The following EPB41L4A variants were observed in gnomAD, a reference collection of about 807,000 sequenced individuals.
EPB41L4A encodes the protein erythrocyte membrane protein band 4.1 like 4A.
In EPB41L4A, 100 loss-of-function variants were observed where a neutral mutation model predicts 108.6. That is an observed-to-expected ratio of 0.92 (90% CI 0.78 to 1.09). The LOEUF is 1.09. Among genes scored for constraint, EPB41L4A ranks in the 50% least tolerant of loss-of-function variants. The probability of loss-of-function intolerance (pLI) is 0.00; values close to 1 mark genes in which losing one functional copy is unlikely to be tolerated. For synonymous variants in EPB41L4A, 319 were observed against 289.0 expected (o/e 1.10, Z -1.05); for missense variants, 1,030 against 842.7 (o/e 1.22, Z -2.75).
At chr5:112,386,485 T>C (rs182936617) in intron 1 of EPB41L4A, among the ~76,000 whole-genome samples, 6 of 152,324 alleles carry the variant, frequency 3.9e-5, no homozygotes. Flanking sequence ...CCAATACTTA[T>C]TAAAAAGGAT....
At position 112,288,070 on chromosome 5, in the gene EPB41L4A, T is replaced by C. The variant is rs180734762; in HGVS notation, c.205-7747A>G. On this transcript the variant is annotated intron_variant, in intron 2 of 22. Coordinates refer to ENST00000261486, the MANE Select transcript of EPB41L4A (RefSeq NM_022140.5). ...AAATGGCTTCTGGGCAAAGAATGAA[T>C]CCAGCATGCTGTCAGGTAAACATGC... 3.3e-3 allele frequency among the ~76,000 whole-genome samples: 503 copies of C among 152,336 alleles called. 4 individuals are homozygous for C. The highest frequency in any genetic ancestry group is 0.011 in the African/African-American group (478 of 41,584).
chr5:112,214,366 G>T (rs533105812), intron 12 of EPB41L4A, among the ~76,000 whole-genome samples: 5 of 152,152 alleles, frequency 3.3e-5, no homozygotes, highest in Non-Finnish European at 7.4e-5. Flanking sequence ...CACCACCACT[G>T]CTTTTTCATT....
chr5:112,223,217 G>C (rs933035680), intron 12 of EPB41L4A, among the ~76,000 whole-genome samples: 36 of 152,078 alleles, frequency 2.4e-4, no homozygotes, highest in South Asian at 6.2e-4. Context: ...TGGAATTACA[G>C]GATTGAGCCA....
intron 3 of EPB41L4A, among the ~76,000 whole-genome samples, chr5:112,279,851 C>A (rs1209009811): frequency 6.6e-6 from 1 of 152,138 alleles, no homozygotes; most frequent in Admixed American, 6.5e-5. Flanking sequence ...GCTTAGGAAA[C>A]TGAGTGGTCT....
intron 16 of EPB41L4A, among the ~76,000 whole-genome samples, chr5:112,194,904 C>T (rs1289625136): frequency 1.3e-5 from 2 of 152,126 alleles, no homozygotes; most frequent in Non-Finnish European, 2.9e-5. Context: ...GTTCCCAGAA[C>T]GGACCGCAAA....
rs1436354921 is a variant in EPB41L4A, at chr5:112,283,681, A to G, written c.205-3358T>C. On this transcript the variant is annotated intron_variant, in intron 2 of 22. Transcript: ENST00000261486. ...CATTCATCACTTATGGATATCCACT[A>G]TACATGTTCTTTACATGACATGTCA... Among the ~76,000 whole-genome samples, 2 of 152,196 alleles carry G rather than the reference A, an allele frequency of 1.3e-5. 1 individual carries two copies. Among genetic ancestry groups the G allele is most frequent in the East Asian group, 3.8e-4 (2 of 5,204 alleles).
intron 3 of EPB41L4A, among the ~76,000 whole-genome samples, chr5:112,279,553 T>C (rs1399256801): frequency 1.3e-5 from 2 of 152,150 alleles, no homozygotes; most frequent in African/African-American, 2.4e-5. Context: ...TGCCACTGAA[T>C]TGCACACAAA....
At chr5:112,389,513 G>A (rs1448510567) in intron 1 of EPB41L4A, among the ~76,000 whole-genome samples, 1 of 152,142 alleles carries the variant, frequency 6.6e-6, no homozygotes, top group Non-Finnish European at 1.5e-5. Context: ...GCATAATAAC[G>A]AAGTTCCTCT....
At chr5:112,259,091 A>G (rs927617243) in intron 9 of EPB41L4A, 138 bp downstream of exon 9, 1 of 666,326 alleles carries the variant, frequency 1.5e-6, no homozygotes, top group Non-Finnish European at 2.7e-6. Flanking sequence ...TTCCTTGAGA[A>G]GTTGTGCATG....
chr5:112,313,233 T>G (rs1308437773), intron 1 of EPB41L4A, among the ~76,000 whole-genome samples: 1 of 152,200 alleles, frequency 6.6e-6, no homozygotes, highest in African/African-American at 2.4e-5. Flanking sequence ...ACTAAGAAAC[T>G]TCTAAAAAGT....
intron 2 of EPB41L4A, among the ~76,000 whole-genome samples, chr5:112,294,922 C>T (rs1753894786): frequency 6.6e-6 from 1 of 152,206 alleles, no homozygotes; most frequent in African/African-American, 2.4e-5. Context: ...CCATCAAAGT[C>T]GCCTTTCTGA....
chr5:112,301,211 G>A (rs1400564118), intron 2 of EPB41L4A, among the ~76,000 whole-genome samples: 2 of 152,046 alleles, frequency 1.3e-5, no homozygotes, highest in Non-Finnish European at 2.9e-5. Flanking sequence ...TTTTTGGGTG[G>A]TGTTGAAGAA....
At chr5:112,305,030 A>G (rs1480843910) in intron 2 of EPB41L4A, among the ~76,000 whole-genome samples, 1 of 152,134 alleles carries the variant, frequency 6.6e-6, no homozygotes, top group Non-Finnish European at 1.5e-5. Flanking sequence ...CAAAAACACC[A>G]GTTCCTTAAA....
intron 15 of EPB41L4A, among the ~76,000 whole-genome samples, chr5:112,203,121 T>C (rs974280683): frequency 1.3e-5 from 2 of 151,808 alleles, no homozygotes; most frequent in Non-Finnish European, 2.9e-5. Context: ...AATCCCAGCA[T>C]TTTGGGAGGC....
chr5:112,267,118 T>C (rs1751919376), intron 4 of EPB41L4A, among the ~76,000 whole-genome samples: 1 of 152,212 alleles, frequency 6.6e-6, no homozygotes. Flanking sequence ...TTTTTTCTTA[T>C]TCAGCTATTC....
At chr5:112,161,399 ATGTAT>A (rs1759892263), downstream of EPB41L4A, 1 of 431,392 alleles carries the variant, frequency 2.3e-6, no homozygotes, top group South Asian at 1.7e-5. Context: ...TTTCTCTGAA[ATGTAT>A]TGTCCGTTTT....
At chr5:112,377,871 C>T (rs1324205083) in intron 1 of EPB41L4A, among the ~76,000 whole-genome samples, 1 of 152,034 alleles carries the variant, frequency 6.6e-6, no homozygotes, top group African/African-American at 2.4e-5. Flanking sequence ...ACACTGCTAA[C>T]CCCCCATCTT....
At chr5:112,288,363 G>C (rs1753419332) in intron 2 of EPB41L4A, among the ~76,000 whole-genome samples, 1 of 152,170 alleles carries the variant, frequency 6.6e-6, no homozygotes. Context: ...AAGGGACAGA[G>C]ATACTACAAA....
intron 1 of EPB41L4A, among the ~76,000 whole-genome samples, chr5:112,408,145 G>A (rs910529407): frequency 6.6e-6 from 1 of 152,078 alleles, no homozygotes; most frequent in African/African-American, 2.4e-5. Flanking sequence ...AGGGTGCCAA[G>A]ACAATTCAAT....
Sources: allele counts gnomAD v4.1 joint callset (sites outside exome capture counted in the v4.1 genomes callset), GRCh38; gene constraint gnomAD v4.1.1; transcripts MANE v1.5; gene names NCBI Gene and HGNC (gene_info 2026-07-23, HGNC 2026-07-21).